Variants in GRID1 observed in about 807,000 individuals in gnomAD.
The protein encoded by GRID1 is glutamate ionotropic receptor delta type subunit 1, also known as glutamate receptor ionotropic, delta-1.
Under a neutral mutation model 98.0 loss-of-function variants are expected in GRID1, and 28 were observed. The ratio of observed to expected loss-of-function variants is 0.29; its 90% CI spans 0.21 to 0.39. The LOEUF (loss-of-function observed/expected upper bound fraction) is 0.39. GRID1 is among the 10% of genes least tolerant of loss of function. GRID1 has a pLI of 1.00. For synonymous variants in GRID1, 553 were observed against 538.5 expected (o/e 1.03, Z -0.37); for missense variants, 1,111 against 1,340.5 (o/e 0.83, Z 2.67).
intron 8 of GRID1, among the ~76,000 whole-genome samples, chr10:85,793,468 C>T (rs1361095911): frequency 1.3e-5 from 2 of 152,230 alleles, no homozygotes; most frequent in East Asian, 3.8e-4. Context: ...ATATTTCTTA[C>T]TCATAACTTT....
At chr10:86,223,051 C>T (rs1425237964) in intron 2 of GRID1, among the ~76,000 whole-genome samples, 1 of 152,216 alleles carries the variant, frequency 6.6e-6, no homozygotes, top group Non-Finnish European at 1.5e-5. Context: ...GCTCCCATGC[C>T]ACTGACCTGC....
chr10:85,632,529 C>T (rs1464361927), intron 13 of GRID1, among the ~76,000 whole-genome samples: 1 of 150,456 alleles, frequency 6.6e-6, no homozygotes, highest in Non-Finnish European at 1.5e-5. Flanking sequence ...TGGAACAAGG[C>T]CCACCCTTTG....
At chr10:86,142,754 T>C (rs11201901) in intron 3 of GRID1, among the ~76,000 whole-genome samples, 6,504 of 152,302 alleles carry the variant, frequency 0.043, 148 homozygotes, top group Non-Finnish European at 0.054. Context: ...GGGACACCCA[T>C]GTGGCCCCAG....
chr10:85,773,323 T>A (rs949640720), intron 8 of GRID1, among the ~76,000 whole-genome samples: 26 of 152,280 alleles, frequency 1.7e-4, no homozygotes, highest in Admixed American at 1.4e-3. Context: ...GGGATGTATC[T>A]CAAAATAATA....
intron 2 of GRID1, among the ~76,000 whole-genome samples, chr10:86,332,766 C>T (rs1848166120): frequency 6.9e-6 from 1 of 144,448 alleles, no homozygotes; most frequent in Non-Finnish European, 1.5e-5. Context: ...TCACATCTTC[C>T]CCTGCTCCTC....
intron 4 of GRID1, among the ~76,000 whole-genome samples, chr10:85,996,330 A>G (rs904059093): frequency 6.6e-6 from 1 of 152,244 alleles, no homozygotes; most frequent in Non-Finnish European, 1.5e-5. Context: ...GCAATTGTGA[A>G]CACTCCTAAA....
chr10:85,692,544 TC>T (rs995835603), intron 12 of GRID1, among the ~76,000 whole-genome samples: 24 of 151,442 alleles, frequency 1.6e-4, no homozygotes, highest in Non-Finnish European at 2.8e-4. Context: ...GTGCCTGTGG[TC>T]CCAGCTACAC....
At chr10:86,117,101 TA>T (rs1844594659) in intron 4 of GRID1, among the ~76,000 whole-genome samples, 1 of 139,190 alleles carries the variant, frequency 7.2e-6, no homozygotes, top group Non-Finnish European at 1.6e-5. Flanking sequence ...CCACCACCAT[TA>T]CCACCACCAC....
chr10:85,900,158 G>A (rs1447506702), intron 5 of GRID1, among the ~76,000 whole-genome samples: 1 of 152,198 alleles, frequency 6.6e-6, no homozygotes, highest in African/African-American at 2.4e-5. Context: ...GCTTTGAAAG[G>A]ACCCTTCCTG....
chr10:86,281,907 G>A (rs1847362877), intron 2 of GRID1, among the ~76,000 whole-genome samples: 1 of 152,154 alleles, frequency 6.6e-6, no homozygotes, highest in Non-Finnish European at 1.5e-5. Context: ...GTAGAGCACT[G>A]CTCAGGGAGG....
chr10:85,701,766 A>G (rs546589178), intron 12 of GRID1, among the ~76,000 whole-genome samples: 8 of 152,296 alleles, frequency 5.3e-5, no homozygotes, highest in African/African-American at 1.9e-4. Context: ...CTGATATGTG[A>G]GAGCTAAGCT....
Position 86,366,446 on chromosome 10 carries a change from C to A in GRID1, c.-54G>T. ...GGGCCCGGGGCGAGGCCGAGGGCAG[C>A]GCGAAGCGGGGAGGCGCTGGTCCCG... On this transcript the variant is annotated 5_prime_UTR_variant, in exon 1 of 16. Transcript: ENST00000327946. This position sits in a 1 kb window ranked among gnomAD's most constrained non-coding sequence, Gnocchi z 4.1. 1 of 1,326,420 alleles carries A rather than the reference C, an allele frequency of 7.5e-7. No individual in the cohort carries two copies. The highest frequency in any genetic ancestry group is 1.0e-6 in the Non-Finnish European group (1 of 990,392). The allele number at this position is 1,326,420 out of a possible 1,614,324, so 82.2% of individuals were successfully genotyped here.
chr10:85,873,639 A>G (rs1397500117), intron 5 of GRID1, among the ~76,000 whole-genome samples: 1 of 152,164 alleles, frequency 6.6e-6, no homozygotes, highest in Non-Finnish European at 1.5e-5. Flanking sequence ...AGCCTTCATC[A>G]TGCTCTGATT....
At chr10:86,184,907 T>C (rs979397629) in intron 3 of GRID1, among the ~76,000 whole-genome samples, 3 of 152,160 alleles carry the variant, frequency 2.0e-5, no homozygotes, top group Non-Finnish European at 2.9e-5. Context: ...ATTGAAGTCA[T>C]GTTGTGTTAG....
intron 8 of GRID1, among the ~76,000 whole-genome samples, chr10:85,835,348 T>G (rs1842903391): frequency 6.6e-6 from 1 of 152,204 alleles, no homozygotes; most frequent in African/African-American, 2.4e-5. Flanking sequence ...AATCTCACCT[T>G]GAATTGTAAT....
chr10:85,657,242 T>A (rs1191313195), intron 12 of GRID1, among the ~76,000 whole-genome samples: 1 of 152,070 alleles, frequency 6.6e-6, no homozygotes, highest in Non-Finnish European at 1.5e-5. Flanking sequence ...CAAAAAAAAA[T>A]CACAACTTGA....
chr10:85,947,150 C>T (rs146578670), intron 4 of GRID1, among the ~76,000 whole-genome samples: 1 of 152,254 alleles, frequency 6.6e-6, no homozygotes, highest in East Asian at 1.9e-4. Context: ...GCATTCTCTG[C>T]CCCCACACAG....
chr10:85,682,478 T>C (rs1209036255), intron 12 of GRID1, among the ~76,000 whole-genome samples: 1 of 152,152 alleles, frequency 6.6e-6, no homozygotes, highest in Non-Finnish European at 1.5e-5. Flanking sequence ...CTGATTTCTG[T>C]GGTGTCATTA....
In GRID1 at chr10:86,082,767, C is replaced by A. The variant is rs568226048; in HGVS notation, c.726+56052G>T. Among the ~76,000 whole-genome samples, 538 of 152,052 alleles carry A rather than the reference C, an allele frequency of 3.5e-3. 3 individuals carry two copies. The highest frequency in any genetic ancestry group is 0.012 in the African/African-American group (506 of 41,334). ...CCTCTGCCCCACCACTCAGTGCTGC[C>A]CAAACCATGACTCTGCACCTGTGTA... On this transcript the variant is annotated intron_variant, in intron 4 of 15. Transcript: ENST00000327946.
Sources: allele counts gnomAD v4.1 joint callset (sites outside exome capture counted in the v4.1 genomes callset), GRCh38; gene constraint gnomAD v4.1.1; non-coding constraint Gnocchi (gnomAD v3.1); transcripts MANE v1.5; gene names NCBI Gene and HGNC (gene_info 2026-07-23, HGNC 2026-07-21).